CHD9NB: variants seen among roughly 807,000 people sequenced by gnomAD.
CHD9NB encodes the protein CHD9 neighbor, also known as CHD9 neighbor protein.
At chr16:53,047,441 G>A in the CHD9NB span, among the ~76,000 whole-genome samples, 1 of 152,278 alleles carries the variant, frequency 6.6e-6, no homozygotes, top group East Asian at 1.9e-4. Flanking sequence ...AGAAGTTCAT[G>A]AGCAAGGTGC....
chr16:53,046,413 T>TA, the CHD9NB span, among the ~76,000 whole-genome samples: 3 of 151,844 alleles, frequency 2.0e-5, no homozygotes, highest in Non-Finnish European at 4.4e-5. Flanking sequence ...CATGGTGGCT[T>TA]ATGCCTGTAA....
chr16:53,043,705 C>A, the CHD9NB span: 9 of 244,334 alleles, frequency 3.7e-5, no homozygotes, highest in Non-Finnish European at 7.0e-5. Context: ...CCAGAACAGT[C>A]TGCTCTGAGG....
chr16:53,044,296 C>A, the CHD9NB span: 3 of 396,848 alleles, frequency 7.6e-6, no homozygotes. Flanking sequence ...TTTCTATGGC[C>A]ACAAGGAGAC....
the CHD9NB span, among the ~76,000 whole-genome samples, chr16:53,045,248 C>T: frequency 1.3e-5 from 2 of 152,130 alleles, no homozygotes; most frequent in African/African-American, 4.8e-5. Flanking sequence ...AGGTATAAGC[C>T]ATCCTGTCTC....
chr16:53,036,437 G>A, the CHD9NB span, among the ~76,000 whole-genome samples: 1 of 152,172 alleles, frequency 6.6e-6, no homozygotes, highest in Admixed American at 6.5e-5. Flanking sequence ...CCCTTTACAT[G>A]TTGGTTTTTC....
the CHD9NB span, among the ~76,000 whole-genome samples, chr16:53,041,638 AC>A: frequency 6.6e-6 from 1 of 152,104 alleles, no homozygotes; most frequent in Non-Finnish European, 1.5e-5. Context: ...GGGCAGCCCC[AC>A]CTCAAAGCCT....
the CHD9NB span, among the ~76,000 whole-genome samples, chr16:53,050,503 G>A: frequency 6.6e-5 from 10 of 151,888 alleles, no homozygotes; most frequent in African/African-American, 9.7e-5. Flanking sequence ...ATGAGACCCC[G>A]TCTCAAAAAA....
chr16:53,049,321 G>GTT, the CHD9NB span, among the ~76,000 whole-genome samples: 79 of 113,954 alleles, frequency 6.9e-4, no homozygotes, highest in Admixed American at 1.4e-3. Context: ...ACCCCCAGCT[G>GTT]TTGTGTGTGT....
chr16:53,050,900 T>TC, the CHD9NB span, among the ~76,000 whole-genome samples: 1 of 151,528 alleles, frequency 6.6e-6, no homozygotes, highest in Non-Finnish European at 1.5e-5. Flanking sequence ...ACCCTCTTTT[T>TC]TTTTTGAGAC....
chr16:53,040,447 A>G, the CHD9NB span, among the ~76,000 whole-genome samples: 1 of 152,006 alleles, frequency 6.6e-6, no homozygotes, highest in Non-Finnish European at 1.5e-5. Context: ...CTCCTATTAC[A>G]CTGTACATTG....
chr16:53,039,935 T>TA, the CHD9NB span, among the ~76,000 whole-genome samples: 1 of 152,006 alleles, frequency 6.6e-6, no homozygotes, highest in Non-Finnish European at 1.5e-5. Context: ...GATTTGTTAC[T>TA]AAAAAAACAG....
the CHD9NB span, among the ~76,000 whole-genome samples, chr16:53,051,125 G>A: frequency 6.6e-6 from 1 of 151,858 alleles, no homozygotes; most frequent in Non-Finnish European, 1.5e-5. Context: ...CTGACCTCGT[G>A]ATCCGCCTGC....
the CHD9NB span, among the ~76,000 whole-genome samples, chr16:53,048,631 T>C: frequency 9.8e-5 from 15 of 152,338 alleles, no homozygotes; most frequent in South Asian, 6.2e-4. Context: ...AACAGCTCTT[T>C]ATTGAACCAC....
chr16:53,051,753 C>A, the CHD9NB span, among the ~76,000 whole-genome samples: 1 of 129,880 alleles, frequency 7.7e-6, no homozygotes, highest in South Asian at 2.4e-4. Flanking sequence ...CTGTACCCTA[C>A]AACTTAAAAG....
At chr16:53,042,069 G>A in the CHD9NB span, among the ~76,000 whole-genome samples, 1 of 152,118 alleles carries the variant, frequency 6.6e-6, no homozygotes, top group Non-Finnish European at 1.5e-5. Context: ...CACCGCAGTT[G>A]CCTTATTGCT....
chr16:53,043,980 C>T, the CHD9NB span: 8 of 398,646 alleles, frequency 2.0e-5, no homozygotes, highest in South Asian at 1.3e-4. Flanking sequence ...GGTGAGGGTC[C>T]GACTCTGGAG....
chr16:53,038,523 G>T, the CHD9NB span, among the ~76,000 whole-genome samples: 2 of 152,060 alleles, frequency 1.3e-5, no homozygotes, highest in African/African-American at 4.8e-5. Context: ...GACAATTTTT[G>T]TATTTTTAGT....
At chr16:53,038,764 A>G in the CHD9NB span, among the ~76,000 whole-genome samples, 1 of 152,278 alleles carries the variant, frequency 6.6e-6, no homozygotes, top group Non-Finnish European at 1.5e-5. Flanking sequence ...GAAATGTGGG[A>G]ATTTACAGCC....
At chr16:53,046,579 G>A in the CHD9NB span, among the ~76,000 whole-genome samples, 1 of 152,068 alleles carries the variant, frequency 6.6e-6, no homozygotes, top group Non-Finnish European at 1.5e-5. Flanking sequence ...CAGCTACTTG[G>A]GAGGCTGAGG....
Sources: gnomAD v4.1 joint callset for allele counts (sites outside exome capture counted in the v4.1 genomes callset) on GRCh38, gnomAD v4.1.1 for gene constraint, MANE v1.5 for transcripts, NCBI Gene and HGNC (gene_info 2026-07-23, HGNC 2026-07-21) for gene names.